The following MROH2A variants were observed in gnomAD, a reference collection of about 807,000 sequenced individuals.
The protein encoded by MROH2A is maestro heat like repeat family member 2A, also known as maestro heat-like repeat-containing protein family member 2A.
In MROH2A, 174 loss-of-function variants were observed where a neutral mutation model predicts 200.4. The ratio of observed to expected loss-of-function variants is 0.87; its 90% CI spans 0.77 to 0.98. The LOEUF (loss-of-function observed/expected upper bound fraction) is 0.98. MROH2A is among the 50% of genes least tolerant of loss of function. The pLI, the probability that MROH2A is intolerant of heterozygous loss-of-function variation, is 0.00. For missense variants in MROH2A, 2,045 were observed against 2,139.6 expected (o/e 0.96, Z 0.87); for synonymous variants, 829 against 840.4 (o/e 0.99, Z 0.23).
intron 34 of MROH2A, among the ~76,000 whole-genome samples, chr2:233,823,241 G>A (rs1372232945): frequency 6.6e-6 from 1 of 152,244 alleles, no homozygotes; most frequent in Non-Finnish European, 1.5e-5. Flanking sequence ...GGCAGAAAGA[G>A]GAGGGGCTCG....
chr2:233,815,254 T>A (rs1703437278), intron 26 of MROH2A, among the ~76,000 whole-genome samples: 2 of 152,236 alleles, frequency 1.3e-5, no homozygotes, highest in Admixed American at 1.3e-4. Context: ...TTTTAAAAAT[T>A]GGGTTGTTTG....
chr2:233,800,811 G>T (rs1702425483), intron 14 of MROH2A, among the ~76,000 whole-genome samples: 1 of 151,824 alleles, frequency 6.6e-6, no homozygotes. Flanking sequence ...AGAAACAAAT[G>T]TGTCAACTTT....
At chr2:233,830,300 G>A (rs1704636577) in intron 38 of MROH2A, among the ~76,000 whole-genome samples, 1 of 152,134 alleles carries the variant, frequency 6.6e-6, no homozygotes, top group South Asian at 2.1e-4. Flanking sequence ...AACCCCGGCT[G>A]GCTGGGGACC....
In MROH2A at chr2:233,798,851, G is replaced by A. The variant is rs1277159433; in HGVS notation, c.1329+1G>A. 6.5e-7 allele frequency: 1 copy of A among 1,549,920 alleles called. No homozygotes were observed. Among genetic ancestry groups the A allele is most frequent in the Non-Finnish European group, 8.7e-7 (1 of 1,146,556 alleles). ...CACCATCTCTGATACCCGGTCCAAG[G>A]TAACAGGGCAGAGACCTGGAAATGG... On this transcript the variant is annotated splice_donor_variant, in intron 12 of 41. Transcript: ENST00000389758. LOFTEE classifies it high-confidence loss of function.
chr2:233,823,139 T>C (rs1328680702), intron 34 of MROH2A, 121 bp downstream of exon 34: 8 of 1,062,788 alleles, frequency 7.5e-6, no homozygotes, highest in Admixed American at 2.5e-5. Flanking sequence ...CTGGGGGAAC[T>C]GCCACGCCAA....
intron 39 of MROH2A, among the ~76,000 whole-genome samples, 156 bp from the exon 40 acceptor site, chr2:233,832,021 G>T (rs569534574): frequency 1.3e-5 from 2 of 152,264 alleles, no homozygotes; most frequent in African/African-American, 4.8e-5. Context: ...GGTGGCCAGT[G>T]GTCCTTCACT....
Position 233,810,915 on chromosome 2 carries a change from T to C in MROH2A, c.2570T>C (p.Val857Ala), listed in dbSNP as rs975052953. Residue 857 changes from valine to alanine, a missense_variant and splice_region_variant, in exon 23 of 42, where the codon GTG (valine) becomes GCG (alanine). Val to Ala is a moderately conservative substitution (Grantham distance 64). Coordinates refer to ENST00000389758, the MANE Select transcript of MROH2A (RefSeq NM_001394639.1). ...AAGACGACTCTTACCAGCATTATAG[T>C]GGTAAGCTGGGTGGGGCACCTCCTT... ...AQKTTLTSII[V>A]AVIKAEPTDN... is the part of the protein sequence containing the mutation. 2.2e-5 allele frequency: 34 copies of C among 1,549,694 alleles called. No homozygotes were observed. The highest frequency in any genetic ancestry group is 2.7e-5 in the Non-Finnish European group (31 of 1,146,494).
chr2:233,787,502 TATATATTATATATACATATATATTAC>T (rs1701274502), intron 3 of MROH2A, among the ~76,000 whole-genome samples: 1 of 127,072 alleles, frequency 7.9e-6, no homozygotes, highest in Non-Finnish European at 1.6e-5. Flanking sequence ...TACATATACA[TATATATTATATATACATATATATTAC>T]ATATATCATA....
upstream of MROH2A, among the ~76,000 whole-genome samples, chr2:233,777,174 C>A (rs1700733519): frequency 6.6e-6 from 1 of 152,222 alleles, no homozygotes; most frequent in Non-Finnish European, 1.5e-5. Context: ...TGTTACACAG[C>A]AATTGCTGAC....
At position 233,779,660 on chromosome 2, in the gene MROH2A, T is replaced by A. The variant is rs1354415666; in HGVS notation, c.95-11T>A. 4.5e-6 allele frequency: 7 copies of A among 1,550,368 alleles called. No homozygotes were observed. The highest frequency in any genetic ancestry group is 6.1e-6 in the Non-Finnish European group (7 of 1,146,710). The stretch of plus-strand genomic sequence containing the variant: ...TTCCACACTGCACCTGGGTGGCGTT[T>A]GTTTTCATAGGTACCTTTCAACAAG... On this transcript the variant is annotated splice_polypyrimidine_tract_variant and intron_variant, in intron 2 of 41. Coordinates refer to ENST00000389758, the MANE Select transcript of MROH2A (RefSeq NM_001394639.1).
chr2:233,828,749 C>T lies in MROH2A; in HGVS notation c.4233C>T (p.Leu1411=), dbSNP rs76937410. Residue 1411 remains leucine (L), a synonymous_variant, in exon 36 of 42, where the codon CTC becomes CTT. Coordinates refer to ENST00000389758, the MANE Select transcript of MROH2A (RefSeq NM_001394639.1). This position sits in a 1 kb window ranked among gnomAD's most constrained non-coding sequence, Gnocchi z 4.6. Reference sequence around the variant, plus strand: ...TGCGGGTGCTGTCCCTGCGCGCCCTCGGCAACATGGCCCTGGGCGCCCCCA... The same window carrying T: ...TGCGGGTGCTGTCCCTGCGCGCCCTTGGCAACATGGCCCTGGGCGCCCCCA... ...EALRVLSLRA[L]GNMALGAPKK... 119 of 1,550,450 alleles carry T rather than the reference C, an allele frequency of 7.7e-5. No homozygotes were observed. Among genetic ancestry groups the T allele is most frequent in the East Asian group, 1.2e-4 (5 of 40,906 alleles).
At chr2:233,819,260 T>G in intron 29 of MROH2A, 57 bp from the exon 30 acceptor site, 3 of 1,491,868 alleles carry the variant, frequency 2.0e-6, no homozygotes, top group East Asian at 2.5e-5. Flanking sequence ...GAGGAGAGAG[T>G]GTCAGCAGTC....
Position 233,829,644 on chromosome 2 carries a change from G to A in MROH2A, c.4471G>A (p.Ala1491Thr), listed in dbSNP as rs911518123. 6.8e-6 allele frequency: 10 copies of A among 1,461,040 alleles called. No individual in the cohort carries two copies. In the African/African-American group the frequency reaches 1.5e-4, roughly 21 times the overall value. 90.5% of individuals were successfully genotyped at this position (1,461,040 alleles called of 1,614,324 possible). A position where few individuals can be genotyped will look rare whatever the true frequency, so the allele number is the denominator to read the frequency against. ...DNESELLRLK[A>T]FILFGKLARV... ...GGAGAGCGAGCTGCTGCGTCTGAAAGCCTTCATCCTCTTTGGAAAGCTGGC... is the reference window on the plus strand; with the variant it reads ...GGAGAGCGAGCTGCTGCGTCTGAAAACCTTCATCCTCTTTGGAAAGCTGGC... The change falls in exon 38 of 42, where the codon GCC becomes ACC. Residue 1491 changes from alanine to threonine, a missense_variant. Around this residue, in one of 3 missense-constraint regions of MROH2A, gnomAD observed 1,201 missense variants for 1,311.3 expected, o/e 0.92. Coordinates refer to ENST00000389758, the MANE Select transcript of MROH2A (RefSeq NM_001394639.1).
chr2:233,793,919 C>T, intron 7 of MROH2A, 95 bp downstream of exon 7: 1 of 1,216,882 alleles, frequency 8.2e-7, no homozygotes, highest in Non-Finnish European at 1.1e-6. Context: ...GTCGGGTCCA[C>T]ACTTACTCCC....
chr2:233,818,130 G>A lies in MROH2A; in HGVS notation c.3085+5G>A. The A allele has an allele frequency of 6.5e-7, 1 of 1,550,194 alleles. No homozygotes were observed. Among genetic ancestry groups the A allele is most frequent in the East Asian group, 2.4e-5 (1 of 40,914 alleles). On this transcript the variant is annotated splice_donor_5th_base_variant and intron_variant, in intron 28 of 41. Coordinates refer to ENST00000389758, the MANE Select transcript of MROH2A (RefSeq NM_001394639.1). ...CCAGCCTGCTAGATCTTCACGGTAT[G>A]AGAGGGCAGGACATGAGGACCAGCT...
intron 21 of MROH2A, among the ~76,000 whole-genome samples, chr2:233,808,816 G>A (rs1217219135): frequency 6.6e-6 from 1 of 152,208 alleles, no homozygotes; most frequent in Non-Finnish European, 1.5e-5. Context: ...AGCAGCCTCT[G>A]TTTAGGGGTG....
At chr2:233,804,631 T>C in intron 18 of MROH2A, 84 bp downstream of exon 18, 1 of 1,295,010 alleles carries the variant, frequency 7.7e-7, no homozygotes, top group Non-Finnish European at 1.1e-6. Flanking sequence ...GCTGGGCACA[T>C]GAGGAGTTTA....
chr2:233,779,785 TG>T lies in MROH2A; in HGVS notation c.211del (p.Glu71ArgfsTer9). On this transcript the variant is annotated frameshift_variant, in exon 3 of 42. Coordinates refer to ENST00000389758, the MANE Select transcript of MROH2A (RefSeq NM_001394639.1). LOFTEE classifies it high-confidence loss of function. ...AAGACCCTGGCCTCGGTGATAATCA[TG>T]GAGAAGGCCACCACTGAGCCTTCTG... ...MRKTLASVII[M>X]EKATTEPSVV... The T allele has an allele frequency of 6.4e-7, 1 of 1,550,764 alleles. No homozygotes were observed. Among genetic ancestry groups the T allele is most frequent in the African/African-American group, 1.4e-5 (1 of 73,162 alleles).
At chr2:233,816,911 A>G (rs758768812) in intron 27 of MROH2A, 26 bp downstream of exon 27, 18 of 1,377,068 alleles carry the variant, frequency 1.3e-5, no homozygotes, top group Admixed American at 4.0e-5. Context: ...CCCAGCCCCC[A>G]GCCTGCTGCT....
Sources: gnomAD v4.1 joint callset for allele counts (sites outside exome capture counted in the v4.1 genomes callset) on GRCh38, gnomAD v4.1.1 for gene constraint, gnomAD v4.1.1 regional missense constraint, Gnocchi (gnomAD v3.1) non-coding constraint, MANE v1.5 for transcripts, NCBI Gene and HGNC (gene_info 2026-07-23, HGNC 2026-07-21) for gene names.